Variants in CPVL observed in about 807,000 individuals in gnomAD.
The protein encoded by CPVL is carboxypeptidase vitellogenic like, also known as probable serine carboxypeptidase CPVL.
CPVL carries 51 observed loss-of-function variants against 63.7 expected under a neutral mutation model. The observed-to-expected ratio is 0.80, with a 90% CI of 0.64 to 1.01. The LOEUF (loss-of-function observed/expected upper bound fraction) is 1.01, where lower values mean the gene tolerates loss of function less well. CPVL is among the 50% of genes least tolerant of loss of function. The pLI is 0.00. For missense variants in CPVL, 530 were observed against 573.1 expected, an observed-to-expected ratio of 0.92 and a Z score of 0.77; for synonymous variants, 195 against 206.0, an observed-to-expected ratio of 0.95 and a Z score of 0.46.
At chr7:29,018,599 G>A (rs1218626858) in intron 12 of CPVL, among the ~76,000 whole-genome samples, 1 of 151,928 alleles carries the variant, frequency 6.6e-6, no homozygotes, top group Non-Finnish European at 1.5e-5. Flanking sequence ...GGCTGGTCTC[G>A]AACTCCTGGC....
At chr7:29,065,094 T>G (rs1284266285) in intron 10 of CPVL, among the ~76,000 whole-genome samples, 1 of 145,442 alleles carries the variant, frequency 6.9e-6, no homozygotes, top group Non-Finnish European at 1.5e-5. Context: ...TAATAATCAT[T>G]ATACTGAAAG....
chr7:29,018,159 G>A (rs529759418), intron 12 of CPVL, among the ~76,000 whole-genome samples: 1 of 152,202 alleles, frequency 6.6e-6, no homozygotes, highest in Non-Finnish European at 1.5e-5. Flanking sequence ...CACCCAGTAA[G>A]ATTCGGTAAA....
chr7:29,097,306 C>T (rs190480426), intron 3 of CPVL, among the ~76,000 whole-genome samples: 17 of 152,300 alleles, frequency 1.1e-4, no homozygotes, highest in Admixed American at 5.9e-4. Context: ...CCAGGCATAG[C>T]GCCGGGAGCT....
intron 3 of CPVL, among the ~76,000 whole-genome samples, chr7:29,109,103 G>T (rs1788007328): frequency 6.6e-6 from 1 of 152,198 alleles, no homozygotes. Context: ...CTAGCACATA[G>T]TCAGTGTTCA....
At chr7:29,118,875 G>A (rs1225500853) in intron 2 of CPVL, among the ~76,000 whole-genome samples, 4 of 152,106 alleles carry the variant, frequency 2.6e-5, no homozygotes, top group Non-Finnish European at 4.4e-5. Flanking sequence ...CCTGTGACAA[G>A]GGACAACCTT....
intron 11 of CPVL, among the ~76,000 whole-genome samples, chr7:29,035,758 G>A (rs553858378): frequency 1.3e-5 from 2 of 152,306 alleles, no homozygotes; most frequent in East Asian, 3.9e-4. Context: ...ACCATCTGCT[G>A]CTTTTGCATG....
intron 3 of CPVL, among the ~76,000 whole-genome samples, chr7:29,102,671 C>T (rs984865339): frequency 6.6e-6 from 1 of 152,084 alleles, no homozygotes; most frequent in Admixed American, 6.5e-5. Flanking sequence ...GTCCCACAAA[C>T]CTGGGCCCTT....
chr7:29,165,611 T>G (rs1204908390), intron 5 of CPVL, among the ~76,000 whole-genome samples: 1 of 152,242 alleles, frequency 6.6e-6, no homozygotes, highest in Admixed American at 6.5e-5. Flanking sequence ...AGTGATAGAA[T>G]GGATATACTT....
chr7:29,045,696 G>A (rs896584880), intron 11 of CPVL, among the ~76,000 whole-genome samples: 1 of 152,120 alleles, frequency 6.6e-6, no homozygotes, highest in East Asian at 1.9e-4. Context: ...AATTTTTCTT[G>A]ATATGCTAGA....
intron 1 of CPVL, among the ~76,000 whole-genome samples, chr7:29,138,152 G>C (rs991974827): frequency 2.0e-5 from 3 of 152,114 alleles, no homozygotes; most frequent in African/African-American, 7.2e-5. Context: ...ATAATTAGAA[G>C]GTTGACTGGG....
chr7:29,051,730 T>A (rs914466516), intron 11 of CPVL, among the ~76,000 whole-genome samples: 4 of 151,862 alleles, frequency 2.6e-5, no homozygotes, highest in Admixed American at 2.6e-4. Context: ...TGATCAGCAA[T>A]CCCACTACTG....
intron 11 of CPVL, among the ~76,000 whole-genome samples, chr7:29,051,636 A>T (rs1584106629): frequency 6.6e-6 from 1 of 152,194 alleles, no homozygotes; most frequent in Non-Finnish European, 1.5e-5. Flanking sequence ...GAACACTTCT[A>T]CACTGTTGGT....
At chr7:29,110,265 C>G (rs1384391030) in intron 3 of CPVL, among the ~76,000 whole-genome samples, 1 of 152,178 alleles carries the variant, frequency 6.6e-6, no homozygotes, top group Non-Finnish European at 1.5e-5. Context: ...GCAGTCCTAA[C>G]AGTTCTTAGA....
intron 6 of CPVL, 63 bp from the exon 7 acceptor site, chr7:29,086,613 G>C: frequency 1.7e-6 from 2 of 1,198,158 alleles, no homozygotes; most frequent in Non-Finnish European, 2.5e-6. Flanking sequence ...ATCTCTTCAT[G>C]CTAGGATATC....
At chr7:29,175,595 T>C (rs892390160) in intron 5 of CPVL, among the ~76,000 whole-genome samples, 12 of 152,158 alleles carry the variant, frequency 7.9e-5, no homozygotes, top group Non-Finnish European at 1.8e-4. Flanking sequence ...CCCAGCCGTA[T>C]GGAACTGAGT....
intron 5 of CPVL, among the ~76,000 whole-genome samples, chr7:29,162,433 G>A (rs245907): frequency 0.45 from 67,900 of 151,990 alleles, 15,677 homozygotes; most frequent in East Asian, 0.73. Context: ...AGGCCAAAGC[G>A]GGCAGATCAC....
chr7:29,026,448 T>A (rs1292350157), intron 12 of CPVL, among the ~76,000 whole-genome samples: 1 of 151,976 alleles, frequency 6.6e-6, no homozygotes, highest in African/African-American at 2.4e-5. Flanking sequence ...CATTATCTTT[T>A]GTTCTAAACC....
intron 6 of CPVL, among the ~76,000 whole-genome samples, chr7:29,087,321 G>A (rs1232086597): frequency 1.3e-5 from 2 of 151,586 alleles, no homozygotes; most frequent in African/African-American, 4.9e-5. Flanking sequence ...CTACTCAGGA[G>A]GCTGAGACAG....
intron 5 of CPVL, among the ~76,000 whole-genome samples, 156 bp downstream of exon 5, chr7:29,094,928 A>G (rs1440260266): frequency 6.6e-6 from 1 of 152,244 alleles, no homozygotes; most frequent in Non-Finnish European, 1.5e-5. Context: ...ATGTTAACAG[A>G]AAAACTAAAT....
Sources: allele counts gnomAD v4.1 joint callset (sites outside exome capture counted in the v4.1 genomes callset), GRCh38; gene constraint gnomAD v4.1.1; transcripts MANE v1.5; gene names NCBI Gene and HGNC (gene_info 2026-07-23, HGNC 2026-07-21).